CNTN5: variants seen among roughly 807,000 people sequenced by gnomAD.
CNTN5 encodes contactin-5.
Under a neutral mutation model 129.1 loss-of-function variants are expected in CNTN5, and 77 were observed. The observed-to-expected ratio is 0.60, with a 90% CI of 0.50 to 0.72. The LOEUF is 0.72. CNTN5 is among the 30% of genes least tolerant of loss of function. CNTN5 has a pLI of 0.00. For synonymous variants in CNTN5, 509 were observed against 465.6 expected, an observed-to-expected ratio of 1.09 and a Z score of -1.20; for missense variants, 1,478 against 1,328.8, an observed-to-expected ratio of 1.11 and a Z score of -1.75.
At chr11:99,427,069 A>G (rs1038961759) in intron 2 of CNTN5, among the ~76,000 whole-genome samples, 1 of 152,230 alleles carries the variant, frequency 6.6e-6, no homozygotes, top group Non-Finnish European at 1.5e-5. Flanking sequence ...AAAAACAAAA[A>G]CAAAAACCTT....
chr11:100,017,570 A>C (rs1181412120), intron 9 of CNTN5, among the ~76,000 whole-genome samples: 1 of 152,014 alleles, frequency 6.6e-6, no homozygotes, highest in Non-Finnish European at 1.5e-5. Context: ...GGGATCAATT[A>C]AATTAGAACC....
intron 2 of CNTN5, among the ~76,000 whole-genome samples, chr11:99,353,945 G>T (rs1347299377): frequency 6.6e-6 from 1 of 152,156 alleles, no homozygotes; most frequent in Admixed American, 6.5e-5. Context: ...CAGTTGCTTG[G>T]TTGATTTAGG....
chr11:100,039,011 A>T (rs1251814547), intron 9 of CNTN5, among the ~76,000 whole-genome samples: 2 of 152,096 alleles, frequency 1.3e-5, no homozygotes, highest in East Asian at 3.9e-4. Flanking sequence ...TCCTGTCATT[A>T]TGGTGTTAGC....
At chr11:99,655,336 C>A (rs1274421698) in intron 3 of CNTN5, among the ~76,000 whole-genome samples, 2 of 152,110 alleles carry the variant, frequency 1.3e-5, no homozygotes, top group African/African-American at 4.8e-5. Context: ...GTCCAAAGTA[C>A]AGCCTGACTA....
chr11:99,283,595 A>G (rs1863798003), intron 1 of CNTN5, among the ~76,000 whole-genome samples: 1 of 152,158 alleles, frequency 6.6e-6, no homozygotes, highest in Non-Finnish European at 1.5e-5. Flanking sequence ...ACTTGATGAT[A>G]AAAATTCTAT....
At chr11:99,606,446 G>A (rs1418851676) in intron 3 of CNTN5, among the ~76,000 whole-genome samples, 26 of 145,676 alleles carry the variant, frequency 1.8e-4, no homozygotes, top group Admixed American at 3.4e-4. Context: ...GGAAATTAAA[G>A]AGGACACAAA....
intron 2 of CNTN5, among the ~76,000 whole-genome samples, chr11:99,537,116 C>T (rs1021647463): frequency 6.6e-6 from 1 of 151,992 alleles, no homozygotes; most frequent in Non-Finnish European, 1.5e-5. Context: ...ATAAGTTGTC[C>T]AAGTTTTAGC....
In CNTN5 at chr11:99,850,947, A is replaced by G. The variant is rs191311895; in HGVS notation, c.577+5685A>G. 1.5e-3 allele frequency among the ~76,000 whole-genome samples: 235 copies of G among 152,338 alleles called. 3 individuals carry two copies. Among genetic ancestry groups the G allele is most frequent in the Admixed American group, 0.014 (211 of 15,300 alleles). ...CAATAGCAAGTTTAATTAGCTTGACATAAAGCCAAAAATTTCCTTAACCGG... is the reference window on the plus strand; with the variant it reads ...CAATAGCAAGTTTAATTAGCTTGACGTAAAGCCAAAAATTTCCTTAACCGG... On this transcript the variant is annotated intron_variant, in intron 6 of 24. Transcript: ENST00000524871.
Position 99,681,263 on chromosome 11 carries a change from T to A in CNTN5, c.55+124994T>A, listed in dbSNP as rs142303423. Among the ~76,000 whole-genome samples, 844 of 152,226 alleles carry A rather than the reference T, an allele frequency of 5.5e-3. 9 individuals are homozygous for A. The highest frequency in any genetic ancestry group is 0.022 in the South Asian group (106 of 4,830). On this transcript the variant is annotated intron_variant, in intron 3 of 24. Coordinates refer to ENST00000524871, the MANE Select transcript of CNTN5 (RefSeq NM_014361.4). ...TAAAGCAGTGGTAGTGTTTGAAAGA[T>A]TGATTCCAATTCTGAAAGATGCCTT... is the stretch of plus-strand genomic sequence containing the variant.
chr11:99,594,372 G>A (rs143644284), intron 3 of CNTN5, among the ~76,000 whole-genome samples: 55 of 152,230 alleles, frequency 3.6e-4, no homozygotes, highest in Middle Eastern at 3.4e-3. Flanking sequence ...CTGCCTGTCT[G>A]GGGGATGTTG....
At chr11:99,414,982 T>C (rs919462385) in intron 2 of CNTN5, among the ~76,000 whole-genome samples, 3 of 152,168 alleles carry the variant, frequency 2.0e-5, no homozygotes, top group African/African-American at 4.8e-5. Context: ...TTAAGAAAAC[T>C]CCAGTAAAAC....
rs149116295 is a variant in CNTN5, at chr11:100,197,732, T to C, written c.1884+4069T>C. ...AGAAAGTTTCTATCCTTATAATGCA[T>C]AAAGAAGTGTTACACTGAATATCAT... On this transcript the variant is annotated intron_variant, in intron 15 of 24. Transcript: ENST00000524871. Among the ~76,000 whole-genome samples the C allele has an allele frequency of 1.8e-3, 270 of 152,116 alleles. 1 individual carries two copies. The highest frequency in any genetic ancestry group is 6.2e-3 in the African/African-American group (257 of 41,562).
chr11:99,190,390 G>A, intron 1 of CNTN5, among the ~76,000 whole-genome samples: 1 of 151,410 alleles, frequency 6.6e-6, no homozygotes, highest in Non-Finnish European at 1.5e-5. Context: ...AGGGTCTTTT[G>A]TAGTTCTATA....
chr11:99,049,179 C>T (rs1170524136), intron 1 of CNTN5, among the ~76,000 whole-genome samples: 2 of 152,114 alleles, frequency 1.3e-5, no homozygotes, highest in African/African-American at 4.8e-5. Flanking sequence ...TTGCACCTGA[C>T]TTTCCTTATC....
intron 16 of CNTN5, among the ~76,000 whole-genome samples, chr11:100,250,695 T>C (rs912886902): frequency 6.6e-6 from 1 of 152,094 alleles, no homozygotes; most frequent in African/African-American, 2.4e-5. Flanking sequence ...TAGACAAATA[T>C]CAAAAAGAAT....
intron 18 of CNTN5, among the ~76,000 whole-genome samples, chr11:100,279,170 A>T (rs1012135621): frequency 4.6e-5 from 7 of 151,976 alleles, no homozygotes; most frequent in African/African-American, 1.7e-4. Context: ...GTCATGATGA[A>T]TGAACTTTTT....
intron 17 of CNTN5, among the ~76,000 whole-genome samples, chr11:100,260,171 T>G (rs1287963488): frequency 6.6e-6 from 1 of 151,880 alleles, no homozygotes; most frequent in Non-Finnish European, 1.5e-5. Context: ...AAACACCTCT[T>G]TGCAAATAAA....
intron 2 of CNTN5, among the ~76,000 whole-genome samples, chr11:99,340,751 A>G (rs1165441783): frequency 2.0e-5 from 3 of 152,192 alleles, no homozygotes; most frequent in Non-Finnish European, 2.9e-5. Flanking sequence ...ACTAATAGAA[A>G]CAATCATAAA....
intron 9 of CNTN5, among the ~76,000 whole-genome samples, chr11:100,019,954 T>G (rs534616022): frequency 6.6e-6 from 1 of 151,990 alleles, no homozygotes; most frequent in Non-Finnish European, 1.5e-5. Context: ...TTTTGAGAAC[T>G]GTCTATTCAA....
Sources: allele counts gnomAD v4.1 joint callset (sites outside exome capture counted in the v4.1 genomes callset), GRCh38; gene constraint gnomAD v4.1.1; transcripts MANE v1.5; gene names NCBI Gene and HGNC (gene_info 2026-07-23, HGNC 2026-07-21).